ANO1: variants seen among roughly 807,000 people sequenced by gnomAD.
The protein encoded by ANO1 is anoctamin-1.
Under a neutral mutation model 124.0 loss-of-function variants are expected in ANO1, and 59 were observed. The ratio of observed to expected loss-of-function variants is 0.48; its 90% confidence interval spans 0.39 to 0.59. ANO1 has a LOEUF of 0.59. Ranked by LOEUF, ANO1 falls within the 20% of genes least tolerant of loss-of-function variation. The pLI is 0.00. For synonymous variants in ANO1, 529 were observed against 532.0 expected (o/e 0.99, Z 0.08); for missense variants, 1,059 against 1,328.0 (o/e 0.80, Z 3.15).
At chr11:70,118,576 AGATGGATGGATG>A (rs56391691) in intron 8 of ANO1, among the ~76,000 whole-genome samples, 105 of 138,260 alleles carry the variant, frequency 7.6e-4, no homozygotes, top group African/African-American at 2.7e-3. Flanking sequence ...ATGGATGGAT[AGATGGATGGATG>A]GATGGATGGA....
chr11:70,064,636 T>C (rs1373198181), intron 1 of ANO1: 2 of 152,424 alleles, frequency 1.3e-5, no homozygotes, highest in Non-Finnish European at 2.9e-5. Context: ...TCCAAGCCTC[T>C]TCCTTCTTCC....
Position 70,084,911 on chromosome 11 carries a change from G to A in ANO1, c.109-2841G>A, listed in dbSNP as rs143366048. Among the ~76,000 whole-genome samples the A allele has an allele frequency of 2.3e-3, 353 of 152,278 alleles. 3 individuals are homozygous for A. The highest frequency in any genetic ancestry group is 7.1e-3 in the African/African-American group (296 of 41,566). ...GGCCACTGAGCTGGGCAGCTCACCC[G>A]TGGGAGCCTCAGTTTCCTCCAGGTC... On this transcript the variant is annotated intron_variant, in intron 1 of 25. Coordinates refer to ENST00000355303, the MANE Select transcript of ANO1 (RefSeq NM_018043.7).
intron 1 of ANO1, among the ~76,000 whole-genome samples, chr11:70,002,218 A>G (rs554359371): frequency 6.6e-6 from 1 of 152,240 alleles, no homozygotes; most frequent in South Asian, 2.1e-4. Context: ...TGGGAGACCA[A>G]GGCAGGTGGA....
chr11:70,031,956 C>T (rs552340325), intron 1 of ANO1, among the ~76,000 whole-genome samples: 3 of 152,204 alleles, frequency 2.0e-5, no homozygotes, highest in Non-Finnish European at 4.4e-5. Flanking sequence ...CCCAACCCCC[C>T]CTCCTCACGG....
chr11:69,998,413 G>A lies in ANO1; in HGVS notation c.58+12247G>A, dbSNP rs1040376231. On this transcript the variant is annotated intron_variant, in intron 1 of 27. Transcript: ENST00000531349. ...GAGTGCAGATTCTCCTGTGTCCAGCGTCCTCGGTTCAGGGGAAATGTTTTG... is the reference window on the plus strand; with the variant it reads ...GAGTGCAGATTCTCCTGTGTCCAGCATCCTCGGTTCAGGGGAAATGTTTTG... Among the ~76,000 whole-genome samples, 54 of 151,862 alleles carry A rather than the reference G, an allele frequency of 3.6e-4. 2 individuals carry two copies. The highest frequency in any genetic ancestry group is 2.3e-3 in the Admixed American group (35 of 15,240).
In ANO1 at chr11:70,010,179, G is replaced by GTATGTGTGTGTGTATATATATATATATA. The variant is rs1188271051; in HGVS notation, c.58+24016_58+24017insGTGTGTGTGTATATATATATATATATAT. ...TGTGTGTGTGTGCGCGTGTGTGTGT[G>GTATGTGTGTGTGTATATATATATATATA]TATATATATATATATATATCACATT... On this transcript the variant is annotated intron_variant, in intron 1 of 27. Transcript: ENST00000531349. 2.3e-3 allele frequency among the ~76,000 whole-genome samples: 193 copies of GTATGTGTGTGTGTATATATATATATATA among 83,780 alleles called. 15 individuals carry two copies. Among genetic ancestry groups the GTATGTGTGTGTGTATATATATATATATA allele is most frequent in the Middle Eastern group, 5.3e-3 (1 of 188 alleles). The allele number at this position is 83,780 out of a possible 152,430, so 55.0% of individuals were successfully genotyped here. A position where few individuals can be genotyped will look rare whatever the true frequency, so the allele number is the denominator to read the frequency against.
At chr11:70,040,995 G>T (rs1310240168) in intron 1 of ANO1, among the ~76,000 whole-genome samples, 1 of 152,158 alleles carries the variant, frequency 6.6e-6, no homozygotes, top group East Asian at 1.9e-4. Flanking sequence ...GGAGCTTGGT[G>T]GGGACCTGAT....
chr11:70,186,758 C>G (rs1241243758), intron 25 of ANO1, among the ~76,000 whole-genome samples: 1 of 152,234 alleles, frequency 6.6e-6, no homozygotes, highest in Non-Finnish European at 1.5e-5. Flanking sequence ...GGGCCAAGGG[C>G]TCTGATTCTG....
chr11:70,159,062 G>A (rs1403380306), intron 16 of ANO1, among the ~76,000 whole-genome samples: 1 of 152,220 alleles, frequency 6.6e-6, no homozygotes, highest in Non-Finnish European at 1.5e-5. Context: ...GCCAGTGCGG[G>A]GCCGGGAAGG....
At chr11:69,993,252 T>G (rs1043022556) in intron 1 of ANO1, among the ~76,000 whole-genome samples, 7 of 152,210 alleles carry the variant, frequency 4.6e-5, no homozygotes, top group Non-Finnish European at 1.0e-4. Context: ...CCTTTTACAC[T>G]TAATCAGAAT....
At chr11:70,013,508 T>C (rs1220827924) in intron 1 of ANO1, among the ~76,000 whole-genome samples, 1 of 152,084 alleles carries the variant, frequency 6.6e-6, no homozygotes, top group Non-Finnish European at 1.5e-5. Flanking sequence ...CGTGGTGACT[T>C]ACACTTGTAA....
chr11:70,043,260 A>G (rs1412348487), intron 1 of ANO1, among the ~76,000 whole-genome samples: 1 of 152,184 alleles, frequency 6.6e-6, no homozygotes, highest in African/African-American at 2.4e-5. Flanking sequence ...AAAATTGAAG[A>G]CATAGCAATA....
intron 1 of ANO1, among the ~76,000 whole-genome samples, chr11:69,986,516 G>A (rs1375581688): frequency 6.6e-6 from 1 of 152,186 alleles, no homozygotes; most frequent in East Asian, 1.9e-4. Context: ...CCCAATCCCG[G>A]GGGAGCGTCT....
the ANO1 span, among the ~76,000 whole-genome samples, chr11:69,967,300 G>A: frequency 1.3e-5 from 2 of 152,116 alleles, no homozygotes; most frequent in Non-Finnish European, 2.9e-5. Context: ...CCGAGCGCCT[G>A]TATCGCACAT....
chr11:70,097,653 T>C (rs1258427941), intron 2 of ANO1, among the ~76,000 whole-genome samples: 1 of 152,154 alleles, frequency 6.6e-6, no homozygotes, highest in Non-Finnish European at 1.5e-5. Context: ...TGCCCCCTCG[T>C]CCATATTTAC....
intron 8 of ANO1, among the ~76,000 whole-genome samples, chr11:70,118,034 A>C (rs1808151096): frequency 6.6e-6 from 1 of 152,044 alleles, no homozygotes; most frequent in African/African-American, 2.4e-5. Context: ...GTCCTGACCA[A>C]TTCCAGCCTC....
At chr11:69,993,609 C>T (rs1339456966) in intron 1 of ANO1, among the ~76,000 whole-genome samples, 1 of 152,230 alleles carries the variant, frequency 6.6e-6, no homozygotes, top group Non-Finnish European at 1.5e-5. Flanking sequence ...ATTCAAGTCA[C>T]AAAACTGTGG....
intron 1 of ANO1, among the ~76,000 whole-genome samples, chr11:70,002,766 C>T (rs1856410714): frequency 6.6e-6 from 1 of 152,178 alleles, no homozygotes; most frequent in Admixed American, 6.5e-5. Flanking sequence ...CCGTCGAGCA[C>T]TTCCTCTGTT....
At position 70,078,715 on chromosome 11, in the gene ANO1, G is replaced by A. The variant is rs752664206; in HGVS notation, c.108+1G>A. On this transcript the variant is annotated splice_donor_variant, in intron 1 of 25. Coordinates refer to ENST00000355303, the MANE Select transcript of ANO1 (RefSeq NM_018043.7). LOFTEE classifies it high-confidence loss of function. ...CGGCTACCTGCCGTCCGAGGGCACG[G>A]TGAGTGCGGGCGGCCGCGACCCGGG... 1 of 1,478,552 alleles carries A rather than the reference G, an allele frequency of 6.8e-7. No homozygotes were observed. 91.6% of individuals were successfully genotyped at this position (1,478,552 alleles called of 1,614,324 possible). A position where few individuals can be genotyped will look rare whatever the true frequency, so the allele number is the denominator to read the frequency against.
Sources: allele counts gnomAD v4.1 joint callset (sites outside exome capture counted in the v4.1 genomes callset), GRCh38; gene constraint gnomAD v4.1.1; transcripts MANE v1.5; gene names NCBI Gene and HGNC (gene_info 2026-07-23, HGNC 2026-07-21).